TNNI3K: variants seen among roughly 807,000 people sequenced by gnomAD.
TNNI3K encodes the protein serine/threonine-protein kinase TNNI3K.
In TNNI3K, 140 loss-of-function variants were observed where a neutral mutation model predicts 114.5. The ratio of observed to expected loss-of-function variants is 1.22; its 90% CI spans 1.07 to 1.41. The LOEUF (loss-of-function observed/expected upper bound fraction) is 1.41. TNNI3K is among the 40% of genes most tolerant of loss of function. TNNI3K has a pLI of 0.00. For missense variants in TNNI3K, 1,125 were observed against 1,007.6 expected, an observed-to-expected ratio of 1.12 and a Z score of -1.58; for synonymous variants, 347 against 347.5, an observed-to-expected ratio of 1.00 and a Z score of 0.02.
At chr1:74,392,915 T>C (rs888547555) in intron 17 of TNNI3K, among the ~76,000 whole-genome samples, 1 of 152,194 alleles carries the variant, frequency 6.6e-6, no homozygotes, top group Non-Finnish European at 1.5e-5. Context: ...AAAATAACTG[T>C]TTTTGCATCT....
chr1:74,413,337 CTT>C (rs1664975191), intron 17 of TNNI3K, among the ~76,000 whole-genome samples: 1 of 152,134 alleles, frequency 6.6e-6, no homozygotes, highest in Non-Finnish European at 1.5e-5. Flanking sequence ...TTTCTAGCAT[CTT>C]CTCAATACAG....
intron 5 of TNNI3K, among the ~76,000 whole-genome samples, chr1:74,300,414 A>G (rs1165240618): frequency 6.6e-6 from 1 of 152,212 alleles, no homozygotes; most frequent in African/African-American, 2.4e-5. Context: ...TTTAAATATA[A>G]CTAAGATATA....
rs562258511 is a variant in TNNI3K at position 74,272,468 on chromosome 1, G to A, written c.444+760G>A. Among the ~76,000 whole-genome samples, 52 of 151,916 alleles carry A rather than the reference G, an allele frequency of 3.4e-4. 2 individuals are homozygous for A. In the South Asian group the frequency reaches 0.011, roughly 31 times the overall value. ...AGATTTAAATATATTGAGAATGTCA[G>A]CCATGTAAAAGGAGAGAAAAGAATT... On this transcript the variant is annotated intron_variant, in intron 5 of 24. Transcript: ENST00000326637.
chr1:74,278,604 G>A (rs1306740938), intron 5 of TNNI3K, among the ~76,000 whole-genome samples: 2 of 152,064 alleles, frequency 1.3e-5, no homozygotes, highest in Admixed American at 6.6e-5. Flanking sequence ...TAGCTTTGTT[G>A]AGATAAAATT....
intron 5 of TNNI3K, among the ~76,000 whole-genome samples, chr1:74,323,464 C>A (rs1336289896): frequency 6.7e-6 from 1 of 149,934 alleles, no homozygotes; most frequent in Non-Finnish European, 1.5e-5. Context: ...TTTTTGCCTT[C>A]TAATGCTTCA....
chr1:74,491,146 C>T (rs1362558952), intron 22 of TNNI3K, among the ~76,000 whole-genome samples: 1 of 152,126 alleles, frequency 6.6e-6, no homozygotes, highest in Non-Finnish European at 1.5e-5. Context: ...AATCACGTAA[C>T]ATGAAAACCG....
intron 3 of TNNI3K, 110 bp from the exon 4 acceptor site, chr1:74,250,562 C>T: frequency 1.1e-6 from 1 of 950,754 alleles, no homozygotes; most frequent in Non-Finnish European, 1.5e-6. Flanking sequence ...CTGCAGAACG[C>T]AGCTTGACAT....
At chr1:74,486,387 G>C (rs954501663) in intron 21 of TNNI3K, among the ~76,000 whole-genome samples, 1 of 151,934 alleles carries the variant, frequency 6.6e-6, no homozygotes, top group Non-Finnish European at 1.5e-5. Flanking sequence ...TCTAATATAA[G>C]CTACTTGATC....
At chr1:74,283,113 T>C (rs968753532) in intron 5 of TNNI3K, among the ~76,000 whole-genome samples, 2 of 152,192 alleles carry the variant, frequency 1.3e-5, no homozygotes, top group African/African-American at 4.8e-5. Flanking sequence ...TTTTAAACAG[T>C]TAAGTTTCTA....
chr1:74,266,969 A>G (rs1656033119), intron 4 of TNNI3K, among the ~76,000 whole-genome samples: 1 of 151,988 alleles, frequency 6.6e-6, no homozygotes, highest in South Asian at 2.1e-4. Context: ...GCTTAAAAAT[A>G]ATAAATATGA....
At chr1:74,481,095 C>CA (rs1205472483) in intron 21 of TNNI3K, 2 of 572,728 alleles carry the variant, frequency 3.5e-6, no homozygotes, top group Admixed American at 3.3e-5. Flanking sequence ...ATAAACAATA[C>CA]AAAAAATGAA....
At chr1:74,239,924 G>T (rs1231165766) in intron 2 of TNNI3K, 6 of 469,708 alleles carry the variant, frequency 1.3e-5, no homozygotes, top group South Asian at 9.3e-5. Context: ...CTATAAAGTT[G>T]CATTCACTCA....
chr1:74,377,941 C>T (rs1662991486), intron 17 of TNNI3K, among the ~76,000 whole-genome samples: 1 of 151,980 alleles, frequency 6.6e-6, no homozygotes, highest in South Asian at 2.1e-4. Flanking sequence ...TATATAAATG[C>T]CCATATAAAC....
chr1:74,481,280 G>A (rs1668487536), intron 21 of TNNI3K, among the ~76,000 whole-genome samples: 1 of 152,092 alleles, frequency 6.6e-6, no homozygotes, highest in Admixed American at 6.6e-5. Flanking sequence ...TATTTTGAAG[G>A]TGTCTTTTCA....
intron 23 of TNNI3K, among the ~76,000 whole-genome samples, chr1:74,510,741 A>T (rs1377376706): frequency 6.6e-6 from 1 of 152,184 alleles, no homozygotes; most frequent in Admixed American, 6.5e-5. Flanking sequence ...TAGCATTGAA[A>T]AGTTCATGGA....
At chr1:74,267,525 G>A (rs1226477471) in intron 4 of TNNI3K, among the ~76,000 whole-genome samples, 4 of 151,810 alleles carry the variant, frequency 2.6e-5, no homozygotes, top group Non-Finnish European at 5.9e-5. Flanking sequence ...GAGTGACATC[G>A]GCTATAAAAT....
At chr1:74,368,998 T>C in intron 13 of TNNI3K, 24 bp from the exon 14 acceptor site, 4 of 1,578,100 alleles carry the variant, frequency 2.5e-6, no homozygotes, top group Non-Finnish European at 3.4e-6. Context: ...CCTTAAAAAA[T>C]AAAATGACAA....
At chr1:74,452,179 C>T (rs2100700712) in intron 20 of TNNI3K, among the ~76,000 whole-genome samples, 1 of 152,182 alleles carries the variant, frequency 6.6e-6, no homozygotes, top group African/African-American at 2.4e-5. Context: ...TTCATCTGAC[C>T]TCTAGGCATT....
At chr1:74,316,364 A>G (rs1205634818) in intron 5 of TNNI3K, among the ~76,000 whole-genome samples, 1 of 152,110 alleles carries the variant, frequency 6.6e-6, no homozygotes, top group African/African-American at 2.4e-5. Flanking sequence ...GAGATATGCC[A>G]CTCTGCTGTT....
Sources: gnomAD v4.1 joint callset for allele counts (sites outside exome capture counted in the v4.1 genomes callset) on GRCh38, gnomAD v4.1.1 for gene constraint, MANE v1.5 for transcripts, NCBI Gene and HGNC (gene_info 2026-07-23, HGNC 2026-07-21) for gene names.